The following APBA1 variants were observed in gnomAD, a reference collection of about 807,000 sequenced individuals.
APBA1 encodes amyloid-beta A4 precursor protein-binding family A member 1.
A neutral mutation model predicts 86.6 loss-of-function variants in APBA1; 55 were observed. The ratio of observed to expected loss-of-function variants is 0.64; its 90% CI spans 0.51 to 0.80. The LOEUF is 0.80. Among genes scored for constraint, APBA1 ranks in the 30% least tolerant of loss-of-function variants. APBA1 has a pLI of 0.00. For missense variants in APBA1, 1,090 were observed against 1,183.0 expected, an observed-to-expected ratio of 0.92 and a Z score of 1.15; for synonymous variants, 511 against 493.9, an observed-to-expected ratio of 1.03 and a Z score of -0.46.
chr9:69,619,529 TGC>T (rs1564093843), intron 1 of APBA1, among the ~76,000 whole-genome samples: 1 of 152,176 alleles, frequency 6.6e-6, no homozygotes, highest in Non-Finnish European at 1.5e-5. Flanking sequence ...ACTCAAAGTA[TGC>T]AGATGGGCTC....
chr9:69,663,482 T>C (rs555500974), intron 1 of APBA1, among the ~76,000 whole-genome samples: 1 of 152,378 alleles, frequency 6.6e-6, no homozygotes, highest in East Asian at 1.9e-4. Flanking sequence ...GCTCGTCCTC[T>C]GCTTTTAAAA....
chr9:69,545,311 A>G (rs1410760366), intron 1 of APBA1, among the ~76,000 whole-genome samples: 1 of 152,230 alleles, frequency 6.6e-6, no homozygotes, highest in Non-Finnish European at 1.5e-5. Context: ...CAAAACACAC[A>G]AAAAACAAGA....
intron 2 of APBA1, among the ~76,000 whole-genome samples, chr9:69,491,086 C>G (rs1835701955): frequency 6.6e-6 from 1 of 152,050 alleles, no homozygotes; most frequent in African/African-American, 2.4e-5. Context: ...ACCATTTGAC[C>G]CAGCCATCCC....
chr9:69,501,211 T>G (rs1238249695), intron 2 of APBA1, among the ~76,000 whole-genome samples: 2 of 152,108 alleles, frequency 1.3e-5, no homozygotes, highest in African/African-American at 2.4e-5. Flanking sequence ...ACAGAAATCC[T>G]CCTCTCTTAT....
chr9:69,488,162 A>T (rs1835641942), intron 2 of APBA1, among the ~76,000 whole-genome samples: 2 of 152,094 alleles, frequency 1.3e-5, no homozygotes, highest in Non-Finnish European at 1.5e-5. Flanking sequence ...AAAGAGAATG[A>T]CAGGAATATC....
intron 1 of APBA1, among the ~76,000 whole-genome samples, chr9:69,537,828 G>T (rs1836537715): frequency 6.6e-6 from 1 of 151,640 alleles, no homozygotes. Flanking sequence ...TAACATTAAG[G>T]GTATTAACTT....
intron 1 of APBA1, among the ~76,000 whole-genome samples, chr9:69,551,562 A>T (rs986961553): frequency 6.6e-6 from 1 of 152,082 alleles, no homozygotes; most frequent in African/African-American, 2.4e-5. Flanking sequence ...CAAAAAAAAA[A>T]AAAAGTAAAA....
chr9:69,607,581 C>T (rs554058312), intron 1 of APBA1, among the ~76,000 whole-genome samples: 1 of 152,228 alleles, frequency 6.6e-6, no homozygotes, highest in Non-Finnish European at 1.5e-5. Context: ...TAAGCTTTAC[C>T]CTATGCACTT....
chr9:69,468,059 C>CTG, intron 4 of APBA1, 91 bp from the exon 5 acceptor site: 1 of 1,505,580 alleles, frequency 6.6e-7, no homozygotes, highest in Non-Finnish European at 9.0e-7. Context: ...CCATGCCTCA[C>CTG]TGCTGGCACA....
rs1394876450 is a variant in APBA1 at position 69,528,236 on chromosome 9, C to T, written c.-69-10957G>A. Among the ~76,000 whole-genome samples, 5 of 152,086 alleles carry T rather than the reference C, an allele frequency of 3.3e-5. No homozygotes were observed. The East Asian group carries it at 9.6e-4, about 29-fold the overall frequency. ...CACCTTGCAGTCTGTATAATTTTTG[C>T]TAACACTAACCAGGCAGGAAAATTA... On this transcript the variant is annotated intron_variant, in intron 1 of 12. Transcript: ENST00000265381.
intron 2 of APBA1, among the ~76,000 whole-genome samples, chr9:69,501,798 A>G (rs1383311304): frequency 6.6e-6 from 1 of 152,018 alleles, no homozygotes; most frequent in Non-Finnish European, 1.5e-5. Flanking sequence ...CTTGCACTCT[A>G]GCCTCGGTCA....
At chr9:69,449,519 T>C in intron 10 of APBA1, 65 bp downstream of exon 10, 1 of 1,399,230 alleles carries the variant, frequency 7.1e-7, no homozygotes, top group Non-Finnish European at 1.0e-6. Context: ...AATGACTGGA[T>C]GGGGGTCACA....
intron 1 of APBA1, among the ~76,000 whole-genome samples, chr9:69,521,347 C>T (rs12378318): frequency 0.38 from 57,366 of 152,086 alleles, 12,252 homozygotes; most frequent in Non-Finnish European, 0.47. Flanking sequence ...ACTGCCCTCC[C>T]TATTCATGGC....
rs371494520 is a variant in APBA1 at position 69,558,561 on chromosome 9, CATAT to C, written c.-69-41286_-69-41283del. Among the ~76,000 whole-genome samples the C allele has an allele frequency of 1.4e-3, 202 of 142,770 alleles. 2 individuals are homozygous for C. The highest frequency in any genetic ancestry group is 3.6e-3 in the African/African-American group (131 of 35,904). The allele number at this position is 142,770 out of a possible 152,430, so 93.7% of individuals were successfully genotyped here. On this transcript the variant is annotated intron_variant, in intron 1 of 12. Coordinates refer to ENST00000265381, the MANE Select transcript of APBA1 (RefSeq NM_001163.4). ...ACACACACATACACACACACACACA[CATAT>C]ATATATATATATATATACACATTAT...
intron 1 of APBA1, among the ~76,000 whole-genome samples, chr9:69,669,737 G>A (rs893463402): frequency 2.0e-5 from 3 of 152,134 alleles, no homozygotes; most frequent in African/African-American, 7.2e-5. Context: ...TCACACTACT[G>A]CACTCCAGCC....
chr9:69,570,049 T>C (rs1289316179), intron 1 of APBA1, among the ~76,000 whole-genome samples: 1 of 152,244 alleles, frequency 6.6e-6, no homozygotes, highest in Non-Finnish European at 1.5e-5. Context: ...GAGAAGGCAC[T>C]TAACTCATTG....
intron 1 of APBA1, among the ~76,000 whole-genome samples, chr9:69,639,587 T>A (rs578064687): frequency 1.3e-5 from 2 of 152,280 alleles, no homozygotes; most frequent in African/African-American, 4.8e-5. Context: ...TTAAAATATA[T>A]CAAATGTGCT....
At chr9:69,615,333 C>A (rs1287938565) in intron 1 of APBA1, among the ~76,000 whole-genome samples, 2 of 152,172 alleles carry the variant, frequency 1.3e-5, no homozygotes, top group Non-Finnish European at 2.9e-5. Flanking sequence ...AATTCAGAAG[C>A]TATCTGTGAG....
At chr9:69,501,206 A>G (rs1835874873) in intron 2 of APBA1, among the ~76,000 whole-genome samples, 1 of 152,104 alleles carries the variant, frequency 6.6e-6, no homozygotes, top group South Asian at 2.1e-4. Context: ...TCTAAACAGA[A>G]ATCCTCCTCT....
Sources: gnomAD v4.1 joint callset for allele counts (sites outside exome capture counted in the v4.1 genomes callset) on GRCh38, gnomAD v4.1.1 for gene constraint, MANE v1.5 for transcripts, NCBI Gene and HGNC (gene_info 2026-07-23, HGNC 2026-07-21) for gene names.